The following NAV2 variants were observed in gnomAD, a reference collection of about 807,000 sequenced individuals.
The protein encoded by NAV2 is helicase, APC down-regulated 1.
NAV2 carries 54 observed loss-of-function variants against 223.2 expected under a neutral mutation model. The observed-to-expected ratio is 0.24, with a 90% confidence interval of 0.19 to 0.30. NAV2 has a LOEUF of 0.30. Ranked by LOEUF, NAV2 falls within the 10% of genes least tolerant of loss-of-function variation. The pLI is 1.00. For missense variants in NAV2, 2,806 were observed against 3,147.5 expected (o/e 0.89, Z 2.60); for synonymous variants, 1,279 against 1,239.3 (o/e 1.03, Z -0.67).
chr11:19,354,841 G>C (rs985580623), intron 1 of NAV2, among the ~76,000 whole-genome samples: 6 of 152,220 alleles, frequency 3.9e-5, no homozygotes, highest in Non-Finnish European at 7.3e-5. Context: ...GCAGCTCTCA[G>C]ATGTGAATGT....
intron 1 of NAV2, among the ~76,000 whole-genome samples, chr11:19,486,333 C>A (rs2042444927): frequency 6.6e-6 from 1 of 152,112 alleles, no homozygotes; most frequent in South Asian, 2.1e-4. Flanking sequence ...TTCAATCCTT[C>A]AGGCCTTTGG....
intron 1 of NAV2, among the ~76,000 whole-genome samples, chr11:19,474,445 G>A (rs180956407): frequency 4.3e-4 from 66 of 152,336 alleles, no homozygotes; most frequent in African/African-American, 1.5e-3. Context: ...TTATTAGAAA[G>A]CATCAAACAA....
chr11:19,669,052 A>G (rs1038836268), intron 1 of NAV2, among the ~76,000 whole-genome samples: 3 of 152,232 alleles, frequency 2.0e-5, no homozygotes, highest in African/African-American at 7.2e-5. Flanking sequence ...AGTGACGGCC[A>G]TTAGAGAGAT....
intron 1 of NAV2, among the ~76,000 whole-genome samples, chr11:19,752,810 G>A (rs1051261620): frequency 3.3e-5 from 5 of 152,108 alleles, no homozygotes; most frequent in African/African-American, 1.2e-4. Context: ...TTATTCTCAT[G>A]GTTATTCACT....
intron 1 of NAV2, among the ~76,000 whole-genome samples, chr11:19,823,132 C>A (rs1272246253): frequency 6.6e-6 from 1 of 152,188 alleles, no homozygotes; most frequent in Non-Finnish European, 1.5e-5. Flanking sequence ...GTAGCCTCGA[C>A]CTCCTGGGCT....
At chr11:19,660,348 G>A (rs374703033) in intron 1 of NAV2, among the ~76,000 whole-genome samples, 8 of 152,100 alleles carry the variant, frequency 5.3e-5, no homozygotes, top group East Asian at 1.9e-4. Context: ...TTCTTTTCTC[G>A]TGTGACTCAG....
chr11:19,466,730 C>G (rs756727673), intron 1 of NAV2, among the ~76,000 whole-genome samples: 2 of 152,124 alleles, frequency 1.3e-5, no homozygotes, highest in African/African-American at 4.8e-5. Flanking sequence ...ATGCAAGGAG[C>G]GGCAAGGGTG....
rs113128850 is a variant in NAV2, at chr11:19,932,913, T to A, written c.932-263T>A. Among the ~76,000 whole-genome samples the A allele has an allele frequency of 8.2e-3, 1,245 of 152,330 alleles. 19 individuals carry two copies. The highest frequency in any genetic ancestry group is 0.029 in the African/African-American group (1,190 of 41,560). On this transcript the variant is annotated intron_variant, in intron 6 of 37. Transcript: ENST00000349880. ...TTAACGGTGCAGGTGTCTGTTAAGA[T>A]TTGTTAAGACCTGCATGCTTTCACG...
At chr11:19,766,403 G>C (rs957911400) in intron 1 of NAV2, among the ~76,000 whole-genome samples, 2 of 152,166 alleles carry the variant, frequency 1.3e-5, no homozygotes, top group African/African-American at 4.8e-5. Context: ...GCTTTGATGT[G>C]AGGGGAACTG....
intron 1 of NAV2, among the ~76,000 whole-genome samples, chr11:19,717,604 T>G (rs1046224377): frequency 6.6e-6 from 1 of 152,202 alleles, no homozygotes; most frequent in Admixed American, 6.5e-5. Flanking sequence ...CATCTTCCCT[T>G]TCAAAAGGTG....
intron 1 of NAV2, among the ~76,000 whole-genome samples, chr11:19,735,847 A>G (rs374788684): frequency 5.3e-5 from 8 of 152,274 alleles, no homozygotes; most frequent in African/African-American, 1.4e-4. Context: ...AATAACATGC[A>G]AGGATGGGAA....
rs749496134 is a variant in NAV2, at chr11:20,044,087, G to T, written c.3014G>T (p.Gly1005Val). ...GSDSGIKMEP[G>V]SKWRRNPSDV... is the part of the protein sequence containing the mutation. ...GACAGCGGCATAAAAATGGAGCCAGGTTCCAAGTGGAGGCGGAATCCTTCT... is the reference window on the plus strand; with the variant it reads ...GACAGCGGCATAAAAATGGAGCCAGTTTCCAAGTGGAGGCGGAATCCTTCT... The change falls in exon 13 of 38, where the codon GGT (glycine) becomes GTT (valine). Residue 1005 changes from glycine to valine, a missense_variant. By Grantham distance (109) the Gly-to-Val change is moderately radical. Transcript: ENST00000349880. 2 of 1,614,214 alleles carry T rather than the reference G, an allele frequency of 1.2e-6. No individual in the cohort carries two copies. The highest frequency in any genetic ancestry group is 1.7e-5 in the Admixed American group (1 of 60,030).
chr11:19,846,836 C>T (rs2060838264), intron 3 of NAV2, among the ~76,000 whole-genome samples: 1 of 152,192 alleles, frequency 6.6e-6, no homozygotes, highest in African/African-American at 2.4e-5. Context: ...ACAGCAGTGG[C>T]TTCCCTTTCC....
At chr11:19,452,107 AGTGTGTGTGTGTGTGTGTGTGT>A (rs60628637) in intron 1 of NAV2, among the ~76,000 whole-genome samples, 3 of 146,654 alleles carry the variant, frequency 2.0e-5, no homozygotes, top group African/African-American at 7.6e-5. Context: ...AGGTTACAAA[AGTGTGTGTGTGTGTGTGTGTGT>A]GTGTGTGTGT....
intron 1 of NAV2, among the ~76,000 whole-genome samples, chr11:19,375,133 T>G (rs1169654210): frequency 2.6e-5 from 4 of 152,244 alleles, no homozygotes; most frequent in African/African-American, 9.6e-5. Flanking sequence ...CAAGACTAAT[T>G]AAAATTAGTA....
At chr11:19,638,854 G>T (rs1047338255) in intron 1 of NAV2, among the ~76,000 whole-genome samples, 1 of 152,118 alleles carries the variant, frequency 6.6e-6, no homozygotes, top group Non-Finnish European at 1.5e-5. Context: ...TTAGCCAGGC[G>T]TGGTGGCGCA....
In NAV2 at chr11:19,668,226, G is replaced by T. The variant is rs142612674; in HGVS notation, c.76-164258G>T. The stretch of plus-strand genomic sequence containing the variant: ...TGCATTTCACATATGAAACATTGTC[G>T]CCATCAATTGCCTTAAAAAGTATCC... On this transcript the variant is annotated intron_variant, in intron 1 of 37. Transcript: ENST00000360655. Among the ~76,000 whole-genome samples, 9 of 152,246 alleles carry T rather than the reference G, an allele frequency of 5.9e-5. 1 individual carries two copies. The highest frequency in any genetic ancestry group is 2.2e-4 in the African/African-American group (9 of 41,546).
At chr11:19,406,500 C>A (rs1431093995) in intron 1 of NAV2, among the ~76,000 whole-genome samples, 4 of 152,152 alleles carry the variant, frequency 2.6e-5, no homozygotes, top group Non-Finnish European at 1.5e-5. Flanking sequence ...AGAGCCGAGG[C>A]CATGGCTGTC....
At chr11:19,964,958 T>A (rs950760233) in intron 10 of NAV2, among the ~76,000 whole-genome samples, 1 of 151,904 alleles carries the variant, frequency 6.6e-6, no homozygotes, top group Admixed American at 6.6e-5. Context: ...TAGCTGGGAT[T>A]ACAGGTGCGT....
Sources: gnomAD v4.1 joint callset for allele counts (sites outside exome capture counted in the v4.1 genomes callset) on GRCh38, gnomAD v4.1.1 for gene constraint, MANE v1.5 for transcripts, NCBI Gene and HGNC (gene_info 2026-07-23, HGNC 2026-07-21) for gene names.